NAV2: variants seen among roughly 807,000 people sequenced by gnomAD.
NAV2 encodes neuron navigator 2, also known as helicase, APC down-regulated 1.
Under a neutral mutation model 223.2 loss-of-function variants are expected in NAV2, and 54 were observed. The ratio of observed to expected loss-of-function variants is 0.24; its 90% CI spans 0.19 to 0.30. The LOEUF (loss-of-function observed/expected upper bound fraction) is 0.30. NAV2 is among the 10% of genes least tolerant of loss of function. The pLI, the probability that NAV2 is intolerant of heterozygous loss-of-function variation, is 1.00. For synonymous variants in NAV2, 1,279 were observed against 1,239.3 expected, an observed-to-expected ratio of 1.03 and a Z score of -0.67; for missense variants, 2,806 against 3,147.5, an observed-to-expected ratio of 0.89 and a Z score of 2.60.
chr11:19,721,383 C>G (rs1002243943), intron 1 of NAV2, among the ~76,000 whole-genome samples: 1 of 152,210 alleles, frequency 6.6e-6, no homozygotes, highest in African/African-American at 2.4e-5. Context: ...TCTGAGGCCA[C>G]AAGGCCCACT....
At chr11:19,784,115 G>A (rs1027311467) in intron 1 of NAV2, among the ~76,000 whole-genome samples, 1 of 152,038 alleles carries the variant, frequency 6.6e-6, no homozygotes, top group Non-Finnish European at 1.5e-5. Context: ...TTGGCCAGTC[G>A]CAGTGGCTTA....
chr11:19,546,583 A>C (rs2044505982), intron 1 of NAV2, among the ~76,000 whole-genome samples: 1 of 152,302 alleles, frequency 6.6e-6, no homozygotes, highest in East Asian at 1.9e-4. Flanking sequence ...TCACCACGGC[A>C]ACCACCCTCT....
At chr11:19,681,611 C>G (rs188820928) in intron 1 of NAV2, among the ~76,000 whole-genome samples, 43 of 152,280 alleles carry the variant, frequency 2.8e-4, no homozygotes, top group African/African-American at 9.6e-4. Flanking sequence ...ATAGGTTTGC[C>G]CCTTGGGATG....
chr11:19,880,173 C>T (rs2063112439), intron 5 of NAV2, 46 bp downstream of exon 5: 2 of 1,507,448 alleles, frequency 1.3e-6, no homozygotes, highest in Admixed American at 2.2e-5. Context: ...CAGGCACCTT[C>T]CTCCACCCCA....
At chr11:19,437,208 G>A (rs1851246778) in intron 1 of NAV2, among the ~76,000 whole-genome samples, 1 of 152,080 alleles carries the variant, frequency 6.6e-6, no homozygotes, top group African/African-American at 2.4e-5. Flanking sequence ...TAACTGGAAG[G>A]TCCCAGGTTC....
intron 36 of NAV2, among the ~76,000 whole-genome samples, chr11:20,110,426 G>A (rs2062523193): frequency 6.6e-6 from 1 of 152,176 alleles, no homozygotes; most frequent in South Asian, 2.1e-4. Context: ...CTACTTGACA[G>A]GCACCATTAG....
At chr11:19,451,419 A>G (rs1192566610) in intron 1 of NAV2, among the ~76,000 whole-genome samples, 3 of 152,206 alleles carry the variant, frequency 2.0e-5, no homozygotes, top group African/African-American at 7.2e-5. Flanking sequence ...CCCAAATGGT[A>G]CACATTCTCT....
At chr11:19,842,570 C>T (rs1479100557) in intron 2 of NAV2, among the ~76,000 whole-genome samples, 1 of 152,194 alleles carries the variant, frequency 6.6e-6, no homozygotes, top group Non-Finnish European at 1.5e-5. Flanking sequence ...ACAATCACAG[C>T]TAGCTCACTC....
chr11:20,007,202 C>T (rs1006207935), intron 11 of NAV2, among the ~76,000 whole-genome samples: 4 of 151,894 alleles, frequency 2.6e-5, no homozygotes, highest in African/African-American at 9.7e-5. Flanking sequence ...ACGGCTTTGG[C>T]CCCTCAAAAG....
At chr11:19,514,259 T>C (rs377487233) in intron 1 of NAV2, among the ~76,000 whole-genome samples, 1 of 152,248 alleles carries the variant, frequency 6.6e-6, no homozygotes, top group East Asian at 1.9e-4. Flanking sequence ...AAAATCTTAA[T>C]GTACTCATTT....
chr11:19,612,384 G>T (rs974775766), intron 1 of NAV2, among the ~76,000 whole-genome samples: 1 of 152,216 alleles, frequency 6.6e-6, no homozygotes, highest in African/African-American at 2.4e-5. Context: ...TCTCTCCCCA[G>T]ACAGTGGGTT....
rs554323253 is a variant in NAV2, at chr11:19,892,323, A to G, written c.771-111A>G. On this transcript the variant is annotated intron_variant, in intron 5 of 37. Coordinates refer to ENST00000349880, the MANE Select transcript of NAV2 (RefSeq NM_145117.5). ...AATTCTGTGACTGGCAAACCTCCACACAATGTCTTGGATAGTTTCTTTTGC... is the reference window on the plus strand; with the variant it reads ...AATTCTGTGACTGGCAAACCTCCACGCAATGTCTTGGATAGTTTCTTTTGC... 7.7e-6 allele frequency: 8 copies of G among 1,040,768 alleles called. No homozygotes were observed. The East Asian group carries it at 1.9e-4, about 24-fold the overall frequency. 64.5% of individuals were successfully genotyped at this position (1,040,768 alleles called of 1,614,324 possible).
chr11:19,896,271 C>A (rs2041976931), intron 6 of NAV2, among the ~76,000 whole-genome samples: 2 of 152,130 alleles, frequency 1.3e-5, no homozygotes, highest in Admixed American at 1.3e-4. Flanking sequence ...ATGCCTGGAA[C>A]CTTTTCATCT....
Position 20,036,073 on chromosome 11 carries a change from C to T in NAV2, c.2883C>T (p.Ser961=), listed in dbSNP as rs1211781729. 10 of 1,614,230 alleles carry T rather than the reference C, an allele frequency of 6.2e-6. No individual in the cohort carries two copies. In the South Asian group the frequency reaches 8.8e-5, roughly 14 times the overall value. The change falls in exon 12 of 38, where the codon TCC becomes TCT. Residue 961 remains serine (S), a synonymous_variant. Coordinates refer to ENST00000349880, the MANE Select transcript of NAV2 (RefSeq NM_145117.5). ...SISSYANTPA[S]SRKNLDVQTD... is the part of the protein sequence containing the mutation. ...GCTCTTATGCCAACACACCTGCCTCCTCTCGAAAAAACCTGGATGTGCAGG... is the reference window on the plus strand; with the variant it reads ...GCTCTTATGCCAACACACCTGCCTCTTCTCGAAAAAACCTGGATGTGCAGG...
intron 1 of NAV2, chr11:19,591,247 T>C (rs2046051190): frequency 6.6e-6 from 1 of 152,224 alleles, no homozygotes. Context: ...TAACAATCTC[T>C]GGATCGCATG....
chr11:20,102,263 T>C (rs994188568), intron 32 of NAV2, among the ~76,000 whole-genome samples: 2 of 152,116 alleles, frequency 1.3e-5, no homozygotes, highest in Non-Finnish European at 2.9e-5. Context: ...TTTCTACTGC[T>C]AACAAGACAT....
At chr11:19,550,747 G>A (rs1017952689) in intron 1 of NAV2, among the ~76,000 whole-genome samples, 4 of 152,202 alleles carry the variant, frequency 2.6e-5, no homozygotes, top group Admixed American at 6.5e-5. Flanking sequence ...ATGGGGCTCG[G>A]ACACTGGACC....
At chr11:19,736,728 C>T (rs2052337899) in intron 1 of NAV2, among the ~76,000 whole-genome samples, 1 of 152,226 alleles carries the variant, frequency 6.6e-6, no homozygotes, top group South Asian at 2.1e-4. Context: ...AGCCCAGGAA[C>T]TCATGACATC....
intron 1 of NAV2, among the ~76,000 whole-genome samples, chr11:19,361,711 G>A (rs1853958764): frequency 6.6e-6 from 1 of 152,114 alleles, no homozygotes; most frequent in African/African-American, 2.4e-5. Context: ...GGCAGGGCCT[G>A]CCATAGGACA....
Sources: allele counts gnomAD v4.1 joint callset (sites outside exome capture counted in the v4.1 genomes callset), GRCh38; gene constraint gnomAD v4.1.1; transcripts MANE v1.5; gene names NCBI Gene and HGNC (gene_info 2026-07-23, HGNC 2026-07-21).